MYOF: variants seen among roughly 807,000 people sequenced by gnomAD.
MYOF encodes the protein myoferlin.
MYOF carries 244 observed loss-of-function variants against 284.2 expected under a neutral mutation model. The observed-to-expected ratio is 0.86, with a 90% CI of 0.77 to 0.95. The LOEUF (loss-of-function observed/expected upper bound fraction) is 0.95, where lower values mean the gene tolerates loss of function less well. Ranked by LOEUF, MYOF falls within the 40% of genes least tolerant of loss-of-function variation. The pLI, the probability that MYOF is intolerant of heterozygous loss-of-function variation, is 0.00. For missense variants in MYOF, 2,496 were observed against 2,560.6 expected (o/e 0.97, Z 0.54); for synonymous variants, 904 against 919.7 (o/e 0.98, Z 0.31).
At chr10:93,330,517 C>T (rs1843250419) in intron 43 of MYOF, among the ~76,000 whole-genome samples, 1 of 152,162 alleles carries the variant, frequency 6.6e-6, no homozygotes, top group African/African-American at 2.4e-5. Flanking sequence ...CCAAAGGCTC[C>T]CCTCTTCTCC....
chr10:93,388,220 G>C (rs1236392777), intron 18 of MYOF, among the ~76,000 whole-genome samples: 2 of 151,554 alleles, frequency 1.3e-5, no homozygotes, highest in Non-Finnish European at 2.9e-5. Context: ...GAGGCTGGGA[G>C]GTGGGGGGTG....
intron 25 of MYOF, among the ~76,000 whole-genome samples, chr10:93,368,675 C>T (rs1397296631): frequency 4.6e-5 from 7 of 152,092 alleles, no homozygotes; most frequent in Non-Finnish European, 1.5e-5. Flanking sequence ...TGTTATGTGC[C>T]AGGAACTGCT....
chr10:93,316,890 G>A, intron 49 of MYOF, 77 bp from the exon 50 acceptor site: 1 of 1,227,006 alleles, frequency 8.1e-7, no homozygotes, highest in Non-Finnish European at 1.2e-6. Flanking sequence ...TCAAAGCCTG[G>A]GGCCTTTCTC....
chr10:93,398,857 A>T (rs1013048621), intron 13 of MYOF, among the ~76,000 whole-genome samples: 3 of 152,056 alleles, frequency 2.0e-5, no homozygotes, highest in Admixed American at 2.0e-4. Context: ...CAACTCTCCA[A>T]TCTTTGACCA....
At chr10:93,447,994 A>G in intron 3 of MYOF, among the ~76,000 whole-genome samples, 1 of 152,196 alleles carries the variant, frequency 6.6e-6, no homozygotes, top group East Asian at 1.9e-4. Context: ...ACGGATTCTC[A>G]TTCCACTTAG....
intron 3 of MYOF, among the ~76,000 whole-genome samples, chr10:93,436,306 AGATCACT>A (rs1849117909): frequency 6.6e-6 from 1 of 152,210 alleles, no homozygotes; most frequent in Admixed American, 6.5e-5. Flanking sequence ...GGGTAGTAAC[AGATCACT>A]GACCAGGAAG....
chr10:93,339,951 C>T lies in MYOF; in HGVS notation c.4338+202G>A, dbSNP rs1051871904. ...AAAATTAGCCGGGCGAGGTGGTGGG[C>T]GCCTGTAGTTCCAGCTACGCGGGAG... On this transcript the variant is annotated intron_variant, in intron 39 of 53. Coordinates refer to ENST00000359263, the MANE Select transcript of MYOF (RefSeq NM_013451.4). Among the ~76,000 whole-genome samples, 5 of 152,030 alleles carry T rather than the reference C, an allele frequency of 3.3e-5. No individual in the cohort carries two copies. In the South Asian group the frequency reaches 6.2e-4, roughly 19 times the overall value.
At chr10:93,435,881 G>C (rs1372397028) in intron 3 of MYOF, among the ~76,000 whole-genome samples, 1 of 151,126 alleles carries the variant, frequency 6.6e-6, no homozygotes, top group Non-Finnish European at 1.5e-5. Flanking sequence ...TTCAGCCTGG[G>C]CAACAGAGCA....
intron 21 of MYOF, among the ~76,000 whole-genome samples, chr10:93,378,689 G>A (rs1589467110): frequency 2.1e-5 from 1 of 46,868 alleles, no homozygotes; most frequent in Non-Finnish European, 3.9e-5. Flanking sequence ...GTATGTGTGT[G>A]TGTGTATATA....
At chr10:93,459,022 G>A (rs1181683809) in intron 1 of MYOF, among the ~76,000 whole-genome samples, 1 of 152,172 alleles carries the variant, frequency 6.6e-6, no homozygotes, top group African/African-American at 2.4e-5. Flanking sequence ...CACTTGAGAG[G>A]GCAACACACA....
At chr10:93,384,142 A>G (rs965640509) in intron 19 of MYOF, among the ~76,000 whole-genome samples, 2 of 152,206 alleles carry the variant, frequency 1.3e-5, no homozygotes, top group Admixed American at 6.5e-5. Flanking sequence ...CAGGAGGGGC[A>G]ACGCTACCAT....
intron 24 of MYOF, among the ~76,000 whole-genome samples, chr10:93,370,017 C>T (rs144844423): frequency 6.6e-6 from 1 of 152,160 alleles, no homozygotes; most frequent in East Asian, 1.9e-4. Flanking sequence ...TTCAGGAGGT[C>T]CACAAGGTCA....
At chr10:93,415,172 C>T (rs143304311) in intron 5 of MYOF, among the ~76,000 whole-genome samples, 238 of 152,258 alleles carry the variant, frequency 1.6e-3, no homozygotes, top group African/African-American at 5.2e-3. Flanking sequence ...TACCCCTACC[C>T]CAGGTTAGAT....
intron 46 of MYOF, chr10:93,324,305 T>G (rs546052519): frequency 6.6e-6 from 1 of 152,370 alleles, no homozygotes; most frequent in East Asian, 1.9e-4. Flanking sequence ...TAGATTGGCT[T>G]CCTAATGCAT....
At chr10:93,378,502 C>T (rs2761323) in intron 21 of MYOF, among the ~76,000 whole-genome samples, 47,568 of 151,128 alleles carry the variant, frequency 0.31, 8,646 homozygotes, top group Middle Eastern at 0.42. Context: ...CAGATTTTGC[C>T]GTCGAGTTTT....
chr10:93,419,394 C>T (rs1342715657), intron 5 of MYOF, among the ~76,000 whole-genome samples: 1 of 152,022 alleles, frequency 6.6e-6, no homozygotes, highest in Non-Finnish European at 1.5e-5. Context: ...AACTCCTGAC[C>T]TCAGGTGATC....
intron 1 of MYOF, among the ~76,000 whole-genome samples, chr10:93,464,256 T>A (rs1023643964): frequency 6.6e-6 from 1 of 152,220 alleles, no homozygotes; most frequent in Non-Finnish European, 1.5e-5. Flanking sequence ...AACTCTTACA[T>A]GAATTTCCAG....
intron 48 of MYOF, 126 bp downstream of exon 48, chr10:93,322,952 A>G (rs888891459): frequency 1.1e-6 from 1 of 929,224 alleles, no homozygotes. Flanking sequence ...AGTAGATCAC[A>G]TTAATGAGAT....
At chr10:93,445,763 C>T (rs1050728426) in intron 3 of MYOF, among the ~76,000 whole-genome samples, 7 of 152,178 alleles carry the variant, frequency 4.6e-5, no homozygotes, top group African/African-American at 1.7e-4. Flanking sequence ...GCAGCAGATG[C>T]AAAGTGAGGG....
Sources: gnomAD v4.1 joint callset for allele counts (sites outside exome capture counted in the v4.1 genomes callset) on GRCh38, gnomAD v4.1.1 for gene constraint, MANE v1.5 for transcripts, NCBI Gene and HGNC (gene_info 2026-07-23, HGNC 2026-07-21) for gene names.